KCNU1: variants seen among roughly 807,000 people sequenced by gnomAD.
KCNU1 encodes potassium calcium-activated channel subfamily U member 1, also known as potassium channel subfamily U member 1.
Under a neutral mutation model 126.8 loss-of-function variants are expected in KCNU1, and 93 were observed. The ratio of observed to expected loss-of-function variants is 0.73; its 90% CI spans 0.62 to 0.87. The LOEUF (loss-of-function observed/expected upper bound fraction) is 0.87, where lower values mean the gene tolerates loss of function less well. Ranked by LOEUF, KCNU1 falls within the 40% of genes least tolerant of loss-of-function variation. The pLI is 0.00. For synonymous variants in KCNU1, 523 were observed against 494.2 expected (o/e 1.06, Z -0.77); for missense variants, 1,330 against 1,367.1 (o/e 0.97, Z 0.43).
chr8:36,789,832 G>T (rs888859668), intron 2 of KCNU1, among the ~76,000 whole-genome samples: 2 of 152,214 alleles, frequency 1.3e-5, no homozygotes, highest in African/African-American at 4.8e-5. Flanking sequence ...TGAGAGAATA[G>T]AATTGCGGAG....
At chr8:36,794,474 T>G (rs1424312177) in intron 2 of KCNU1, among the ~76,000 whole-genome samples, 1 of 152,212 alleles carries the variant, frequency 6.6e-6, no homozygotes, top group Non-Finnish European at 1.5e-5. Context: ...CTTAGCCTTC[T>G]TAATTTTAGT....
Position 36,808,584 on chromosome 8 carries a change from G to A in KCNU1, c.657-134G>A, listed in dbSNP as rs1563267697. 1.3e-5 allele frequency: 8 copies of A among 632,326 alleles called. No individual in the cohort carries two copies. The Admixed American group carries it at 1.3e-4, about 10-fold the overall frequency. The allele number at this position is 632,326 out of a possible 1,614,324, so 39.2% of individuals were successfully genotyped here. Reference sequence around the variant, plus strand: ...GGCAGGGACTGGGATGCTGCATTTCGAATATGTTTTCGGGTAATGCCGTTC... The same window carrying A: ...GGCAGGGACTGGGATGCTGCATTTCAAATATGTTTTCGGGTAATGCCGTTC... On this transcript the variant is annotated intron_variant, in intron 6 of 26. Transcript: ENST00000399881.
chr8:36,876,553 G>A (rs1806284770), intron 19 of KCNU1, among the ~76,000 whole-genome samples: 1 of 152,000 alleles, frequency 6.6e-6, no homozygotes, highest in Admixed American at 6.6e-5. Context: ...TTCTTTCTTG[G>A]AGGTAGGGCA....
At chr8:36,881,451 T>C (rs1373146928) in intron 19 of KCNU1, among the ~76,000 whole-genome samples, 1 of 152,100 alleles carries the variant, frequency 6.6e-6, no homozygotes, top group African/African-American at 2.4e-5. Flanking sequence ...TTCAAACTCC[T>C]GACCTCAAGT....
At chr8:36,805,972 T>C (rs1237561865) in intron 4 of KCNU1, among the ~76,000 whole-genome samples, 1 of 152,160 alleles carries the variant, frequency 6.6e-6, no homozygotes, top group African/African-American at 2.4e-5. Context: ...GCCTCCTGGG[T>C]AGCTGGGATT....
At chr8:36,920,403 A>T (rs187756397) in intron 23 of KCNU1, among the ~76,000 whole-genome samples, 54 of 152,204 alleles carry the variant, frequency 3.5e-4, no homozygotes, top group Admixed American at 3.5e-3. Flanking sequence ...AGTGTAAGTT[A>T]GAGTGGTTGC....
chr8:36,835,467 A>T (rs891450812), intron 12 of KCNU1, among the ~76,000 whole-genome samples: 4 of 151,576 alleles, frequency 2.6e-5, no homozygotes, highest in African/African-American at 9.7e-5. Flanking sequence ...TCAGCCTTCC[A>T]AGTAGCTGGG....
At chr8:36,816,605 C>A (rs1333008689) in intron 9 of KCNU1, among the ~76,000 whole-genome samples, 2 of 151,978 alleles carry the variant, frequency 1.3e-5, no homozygotes, top group African/African-American at 4.8e-5. Flanking sequence ...TCAGGAAAGG[C>A]CTATGGGGCA....
chr8:36,893,612 A>T (rs1191259233), intron 19 of KCNU1, among the ~76,000 whole-genome samples: 1 of 152,016 alleles, frequency 6.6e-6, no homozygotes, highest in Non-Finnish European at 1.5e-5. Context: ...AAGGCTTCTG[A>T]TCTTGATGGC....
chr8:36,933,045 G>A lies in KCNU1; in HGVS notation c.3044+13G>A. The A allele has an allele frequency of 6.9e-7, 1 of 1,448,654 alleles. No individual in the cohort carries two copies. Among genetic ancestry groups the A allele is most frequent in the Middle Eastern group, 1.7e-4 (1 of 5,786 alleles). 89.7% of individuals were successfully genotyped at this position (1,448,654 alleles called of 1,614,324 possible). A position where few individuals can be genotyped will look rare whatever the true frequency, so the allele number is the denominator to read the frequency against. On this transcript the variant is annotated intron_variant, in intron 26 of 26. Transcript: ENST00000399881. ...CAGAAAACAAAAGGGGAGTGTGCTAGATTGGAAAGCACCATCCACCCATTC... is the reference window on the plus strand; with the variant it reads ...CAGAAAACAAAAGGGGAGTGTGCTAAATTGGAAAGCACCATCCACCCATTC...
chr8:36,871,410 T>TAGAG (rs141894674), intron 19 of KCNU1, among the ~76,000 whole-genome samples: 6 of 148,014 alleles, frequency 4.1e-5, no homozygotes, highest in Middle Eastern at 3.5e-3. Flanking sequence ...TATATATACA[T>TAGAG]AGAGAGAGAG....
intron 19 of KCNU1, among the ~76,000 whole-genome samples, chr8:36,887,882 C>A (rs1258207941): frequency 6.6e-6 from 1 of 152,116 alleles, no homozygotes. Context: ...CACAAAGTGT[C>A]TGTTCTGTCA....
chr8:36,923,045 G>A (rs1487791210), intron 24 of KCNU1: 1 of 457,682 alleles, frequency 2.2e-6, no homozygotes, highest in Non-Finnish European at 4.4e-6. Context: ...GCCTTTGCTG[G>A]TGAGTTTTGC....
intron 23 of KCNU1, among the ~76,000 whole-genome samples, chr8:36,921,107 A>G (rs1232591820): frequency 1.3e-5 from 2 of 152,182 alleles, no homozygotes; most frequent in Non-Finnish European, 2.9e-5. Context: ...CTGGCAGAAG[A>G]TATAAGACTC....
intron 10 of KCNU1, among the ~76,000 whole-genome samples, chr8:36,831,584 T>C (rs1370808558): frequency 6.7e-6 from 1 of 149,738 alleles, no homozygotes; most frequent in African/African-American, 2.5e-5. Flanking sequence ...TTCATGTCCT[T>C]TGCCCACTTT....
chr8:36,933,328 A>C (rs1231771634), intron 26 of KCNU1, among the ~76,000 whole-genome samples: 2 of 151,996 alleles, frequency 1.3e-5, no homozygotes, highest in Non-Finnish European at 2.9e-5. Context: ...TTTGTAACTT[A>C]CTCCTCATCC....
At chr8:36,807,475 G>A (rs764775994) in intron 6 of KCNU1, 25 bp downstream of exon 6, 29 of 1,515,658 alleles carry the variant, frequency 1.9e-5, no homozygotes, top group Non-Finnish European at 2.5e-5. Context: ...CCGAAGTACT[G>A]CTTACTTATT....
chr8:36,818,304 A>G (rs895713921), intron 10 of KCNU1, among the ~76,000 whole-genome samples: 3 of 152,106 alleles, frequency 2.0e-5, no homozygotes, highest in Non-Finnish European at 2.9e-5. Context: ...ATTTGGTAAG[A>G]TTGACTAATT....
intron 15 of KCNU1, 48 bp from the exon 16 acceptor site, chr8:36,840,884 G>T: frequency 2.3e-6 from 3 of 1,308,274 alleles, no homozygotes; most frequent in Non-Finnish European, 3.3e-6. Context: ...TTATTTTGTT[G>T]TTCACTGACC....
Sources: gnomAD v4.1 joint callset for allele counts (sites outside exome capture counted in the v4.1 genomes callset) on GRCh38, gnomAD v4.1.1 for gene constraint, MANE v1.5 for transcripts, NCBI Gene and HGNC (gene_info 2026-07-23, HGNC 2026-07-21) for gene names.